Variants in GRIK2 observed in about 807,000 individuals in gnomAD.
GRIK2 encodes glutamate ionotropic receptor kainate type subunit 2, also known as glutamate receptor ionotropic, kainate 2.
Under a neutral mutation model 100.3 loss-of-function variants are expected in GRIK2, and 32 were observed. The observed-to-expected ratio is 0.32, with a 90% CI of 0.24 to 0.43. The LOEUF (loss-of-function observed/expected upper bound fraction) is 0.43. GRIK2 is among the 20% of genes least tolerant of loss of function. The probability of loss-of-function intolerance (pLI) is 1.00; values close to 1 mark genes in which losing one functional copy is unlikely to be tolerated. For missense variants in GRIK2, 843 were observed against 1,114.9 expected (o/e 0.76, Z 3.47); for synonymous variants, 417 against 389.4 (o/e 1.07, Z -0.83).
chr6:101,728,650 T>C (rs559129285), intron 7 of GRIK2, among the ~76,000 whole-genome samples: 1 of 152,036 alleles, frequency 6.6e-6, no homozygotes, highest in Non-Finnish European at 1.5e-5. Context: ...ATTTATAACA[T>C]GGAGATAACA....
chr6:101,934,954 C>A (rs1463418360), intron 14 of GRIK2, among the ~76,000 whole-genome samples: 1 of 151,840 alleles, frequency 6.6e-6, no homozygotes, highest in African/African-American at 2.4e-5. Flanking sequence ...TTATCTAGAA[C>A]TTTTTTGAAT....
rs370419409 is a variant in GRIK2 at position 101,945,078 on chromosome 6, T to C, written c.2085+16446T>C. Among the ~76,000 whole-genome samples the C allele has an allele frequency of 6.8e-4, 103 of 152,264 alleles. 2 individuals are homozygous for C. Among genetic ancestry groups the C allele is most frequent in the African/African-American group, 2.4e-3 (101 of 41,582 alleles). On this transcript the variant is annotated intron_variant, in intron 14 of 16. Transcript: ENST00000369134. ...ATGAACAAGTTTTACCAACATGTTG[T>C]GTATATTACAGGAAAATTGCTTTTA...
intron 14 of GRIK2, among the ~76,000 whole-genome samples, chr6:101,932,610 T>A (rs1790362496): frequency 6.6e-6 from 1 of 151,924 alleles, no homozygotes; most frequent in Non-Finnish European, 1.5e-5. Context: ...ACATTATTGT[T>A]AAATTACTAA....
intron 2 of GRIK2, among the ~76,000 whole-genome samples, chr6:101,515,790 G>C (rs766582863): frequency 6.6e-6 from 1 of 151,988 alleles, no homozygotes; most frequent in African/African-American, 2.4e-5. Context: ...CGATTTGTTT[G>C]AGTTTGTTGT....
Position 101,859,600 on chromosome 6 carries a change from A to G in GRIK2, c.1524+107A>G, listed in dbSNP as rs1320732782. On this transcript the variant is annotated intron_variant, in intron 11 of 16. Transcript: ENST00000369134. ...CAAAGAGTAGTGATATATTTCAAGCATGTATTTCCTTCAATAATTTTATTT... is the reference window on the plus strand; with the variant it reads ...CAAAGAGTAGTGATATATTTCAAGCGTGTATTTCCTTCAATAATTTTATTT... 6.0e-6 allele frequency: 4 copies of G among 668,686 alleles called. No homozygotes were observed. The East Asian group carries it at 1.1e-4, about 18-fold the overall frequency. 41.4% of individuals were successfully genotyped at this position (668,686 alleles called of 1,614,324 possible).
chr6:101,627,798 C>A (rs1780533867), intron 4 of GRIK2, among the ~76,000 whole-genome samples: 1 of 152,098 alleles, frequency 6.6e-6, no homozygotes, highest in Non-Finnish European at 1.5e-5. Flanking sequence ...TTGCTAACTA[C>A]AGGTTGTCTG....
rs566256193 is a variant in GRIK2 at position 101,789,722 on chromosome 6, G to T, written c.952-9926G>T. Among the ~76,000 whole-genome samples, 5 of 152,274 alleles carry T rather than the reference G, an allele frequency of 3.3e-5. No homozygotes were observed. The South Asian group carries it at 1.0e-3, about 32-fold the overall frequency. ...TTGGTGCCGTATGAACTTTAAAGTA[G>T]TTTTTTCCAATTCTGTGAAGAAAGT... On this transcript the variant is annotated intron_variant, in intron 7 of 16. Transcript: ENST00000369134.
intron 10 of GRIK2, among the ~76,000 whole-genome samples, chr6:101,840,580 A>G (rs2764227): frequency 0.27 from 41,238 of 152,112 alleles, 7,904 homozygotes; most frequent in East Asian, 0.68. Context: ...CAGTGCTTTA[A>G]CATAAAAATC....
intron 7 of GRIK2, among the ~76,000 whole-genome samples, chr6:101,725,636 A>C (rs984877641): frequency 7.2e-5 from 11 of 152,020 alleles, no homozygotes; most frequent in Non-Finnish European, 1.3e-4. Flanking sequence ...GCATCACCAT[A>C]AGAATGGCTC....
chr6:101,669,219 G>A (rs1188658428), intron 4 of GRIK2, among the ~76,000 whole-genome samples: 2 of 152,072 alleles, frequency 1.3e-5, no homozygotes, highest in Non-Finnish European at 2.9e-5. Context: ...CTGTTTTAAG[G>A]AGTTATAATT....
At chr6:101,671,370 T>A (rs1770419764) in intron 4 of GRIK2, among the ~76,000 whole-genome samples, 1 of 141,890 alleles carries the variant, frequency 7.0e-6, no homozygotes, top group African/African-American at 2.5e-5. Context: ...ATTTTTATGA[T>A]AAGTACCTAG....
At chr6:101,688,930 T>A (rs998482872) in intron 7 of GRIK2, among the ~76,000 whole-genome samples, 1 of 151,954 alleles carries the variant, frequency 6.6e-6, no homozygotes, top group African/African-American at 2.4e-5. Context: ...AAAAAATACA[T>A]AAAATATTTT....
intron 2 of GRIK2, among the ~76,000 whole-genome samples, chr6:101,537,159 G>A (rs2128286850): frequency 6.6e-6 from 1 of 151,802 alleles, no homozygotes; most frequent in South Asian, 2.1e-4. Context: ...AGGACTCTTG[G>A]ATCTCCTTGT....
At chr6:101,868,714 A>C (rs1446707624) in intron 11 of GRIK2, among the ~76,000 whole-genome samples, 1 of 151,896 alleles carries the variant, frequency 6.6e-6, no homozygotes, top group Non-Finnish European at 1.5e-5. Flanking sequence ...AAATTTGTTC[A>C]GTGTGACTGG....
At chr6:101,425,181 A>C (rs1317636275) in intron 2 of GRIK2, among the ~76,000 whole-genome samples, 4 of 152,220 alleles carry the variant, frequency 2.6e-5, no homozygotes, top group Non-Finnish European at 4.4e-5. Flanking sequence ...GTATATACCC[A>C]GTAATGGGAT....
At chr6:101,533,238 T>G (rs530183128) in intron 2 of GRIK2, among the ~76,000 whole-genome samples, 15 of 151,998 alleles carry the variant, frequency 9.9e-5, no homozygotes, top group Non-Finnish European at 1.8e-4. Flanking sequence ...TTCCTTAAAA[T>G]AAATGCCCTT....
chr6:101,762,096 C>A (rs1455960405), intron 7 of GRIK2, among the ~76,000 whole-genome samples: 4 of 140,934 alleles, frequency 2.8e-5, no homozygotes, highest in Non-Finnish European at 4.6e-5. Flanking sequence ...TCCTTCCTTC[C>A]TCCCTTCCTT....
chr6:101,399,580 C>T (rs552644309), intron 2 of GRIK2, among the ~76,000 whole-genome samples, 188 bp downstream of exon 2: 61 of 152,012 alleles, frequency 4.0e-4, no homozygotes, highest in Non-Finnish European at 5.9e-4. Context: ...TATTTTTAGC[C>T]GCGGGAGGGT....
chr6:101,491,285 A>AC (rs974478276), intron 2 of GRIK2, among the ~76,000 whole-genome samples: 1 of 151,154 alleles, frequency 6.6e-6, no homozygotes, highest in Non-Finnish European at 1.5e-5. Flanking sequence ...AAAAAAAAAA[A>AC]AAACCCAACC....
Sources: allele counts gnomAD v4.1 joint callset (sites outside exome capture counted in the v4.1 genomes callset), GRCh38; gene constraint gnomAD v4.1.1; transcripts MANE v1.5; gene names NCBI Gene and HGNC (gene_info 2026-07-23, HGNC 2026-07-21).